The following DLGAP2 variants were observed in gnomAD, a reference collection of about 807,000 sequenced individuals.
The protein encoded by DLGAP2 is DLG associated protein 2, also known as disks large-associated protein 2.
A neutral mutation model predicts 100.3 loss-of-function variants in DLGAP2; 26 were observed. The ratio of observed to expected loss-of-function variants is 0.26; its 90% CI spans 0.19 to 0.36. The LOEUF (loss-of-function observed/expected upper bound fraction) is 0.36. Ranked by LOEUF, DLGAP2 falls within the 10% of genes least tolerant of loss-of-function variation. The probability of loss-of-function intolerance (pLI) is 1.00; values close to 1 mark genes in which losing one functional copy is unlikely to be tolerated. For missense variants in DLGAP2, 1,858 were observed against 1,453.2 expected (o/e 1.28, Z -4.53); for synonymous variants, 886 against 630.1 (o/e 1.41, Z -6.08).
intron 3 of DLGAP2, among the ~76,000 whole-genome samples, chr8:1,366,107 G>T (rs1049994236): frequency 2.0e-5 from 3 of 152,242 alleles, no homozygotes; most frequent in African/African-American, 7.2e-5. Flanking sequence ...CAGACACTGT[G>T]CTGGGGATTC....
At chr8:933,231 TCC>T (rs1798998813) in intron 2 of DLGAP2, among the ~76,000 whole-genome samples, 2 of 152,264 alleles carry the variant, frequency 1.3e-5, no homozygotes, top group African/African-American at 4.8e-5. Context: ...ATCTGCTGCT[TCC>T]TTGACCCCTG....
At chr8:1,256,807 G>A (rs573860937) in intron 2 of DLGAP2, among the ~76,000 whole-genome samples, 2 of 152,286 alleles carry the variant, frequency 1.3e-5, no homozygotes, top group East Asian at 3.9e-4. Flanking sequence ...CTGCTTCAGT[G>A]ATGGCAGCGA....
chr8:1,390,940 A>G (rs1796336844), intron 3 of DLGAP2, among the ~76,000 whole-genome samples: 1 of 152,224 alleles, frequency 6.6e-6, no homozygotes, highest in South Asian at 2.1e-4. Context: ...AAACACAGTC[A>G]GCATGGCAGC....
At chr8:1,625,072 A>T (rs1797458042) in intron 6 of DLGAP2, among the ~76,000 whole-genome samples, 1 of 152,178 alleles carries the variant, frequency 6.6e-6, no homozygotes, top group Non-Finnish European at 1.5e-5. Flanking sequence ...TTAAAGACTG[A>T]AGTAAATCAG....
chr8:751,355 G>C (rs148309336), intron 1 of DLGAP2, among the ~76,000 whole-genome samples: 1 of 151,564 alleles, frequency 6.6e-6, no homozygotes, highest in Non-Finnish European at 1.5e-5. Context: ...CCATCCTCTC[G>C]TGGAAAGGAG....
chr8:1,276,381 G>T (rs374715202), intron 3 of DLGAP2, among the ~76,000 whole-genome samples: 35 of 152,020 alleles, frequency 2.3e-4, no homozygotes, highest in African/African-American at 8.2e-4. Flanking sequence ...CTATCAGATG[G>T]AACCGTTTTG....
intron 4 of DLGAP2, among the ~76,000 whole-genome samples, chr8:1,523,682 A>C (rs1468751138): frequency 1.3e-5 from 2 of 152,122 alleles, no homozygotes; most frequent in South Asian, 4.1e-4. Context: ...AGCCGTCTGC[A>C]TTTTATTTTT....
chr8:964,754 C>T (rs1250372839), intron 2 of DLGAP2, among the ~76,000 whole-genome samples: 1 of 152,196 alleles, frequency 6.6e-6, no homozygotes, highest in South Asian at 2.1e-4. Flanking sequence ...CCGCCTCCAC[C>T]TACCCTCCCC....
intron 1 of DLGAP2, among the ~76,000 whole-genome samples, chr8:804,798 C>G (rs560111106): frequency 5.3e-5 from 8 of 152,284 alleles, no homozygotes; most frequent in Non-Finnish European, 1.0e-4. Context: ...CAGAGTCTCA[C>G]TTTGTCACCC....
chr8:1,081,543 G>T (rs545799163), intron 2 of DLGAP2, among the ~76,000 whole-genome samples: 1 of 152,104 alleles, frequency 6.6e-6, no homozygotes, highest in African/African-American at 2.4e-5. Context: ...GTAGAGACAG[G>T]TTTCTCCATG....
In DLGAP2 at chr8:1,548,296, C is replaced by G. The variant is rs550034530; in HGVS notation, c.173-330C>G. Among the ~76,000 whole-genome samples the G allele has an allele frequency of 2.6e-4, 39 of 151,718 alleles. No individual in the cohort carries two copies. In the South Asian group the frequency reaches 7.5e-3, roughly 29 times the overall value. On this transcript the variant is annotated intron_variant, in intron 4 of 14. Transcript: ENST00000637795. Reference sequence around the variant, plus strand: ...CCAACATGGCGAAACCTCGTCTCTACTAAAAATACAAAATTAGCCGGGCGT... The same window carrying G: ...CCAACATGGCGAAACCTCGTCTCTAGTAAAAATACAAAATTAGCCGGGCGT...
At chr8:1,430,746 C>A (rs1388522516) in intron 3 of DLGAP2, among the ~76,000 whole-genome samples, 1 of 152,204 alleles carries the variant, frequency 6.6e-6, no homozygotes. Context: ...GAAATATCTT[C>A]AACCTGCAGA....
chr8:1,468,195 GTGGATCCGGGC>G (rs1195306037), intron 3 of DLGAP2, among the ~76,000 whole-genome samples: 1 of 151,986 alleles, frequency 6.6e-6, no homozygotes, highest in Non-Finnish European at 1.5e-5. Context: ...TTCACACAGC[GTGGATCCGGGC>G]TGGCCCTGTG....
At chr8:1,587,491 A>C (rs185818730) in intron 6 of DLGAP2, among the ~76,000 whole-genome samples, 3 of 152,244 alleles carry the variant, frequency 2.0e-5, no homozygotes, top group Admixed American at 2.0e-4. Context: ...CTTTATCTGA[A>C]AGTATATTTA....
At chr8:942,255 A>G (rs1799214709) in intron 2 of DLGAP2, among the ~76,000 whole-genome samples, 2 of 152,190 alleles carry the variant, frequency 1.3e-5, no homozygotes, top group South Asian at 2.1e-4. Flanking sequence ...AGCCCTGAGC[A>G]TTTCTGTTTA....
At chr8:957,367 G>C (rs1799620211) in intron 2 of DLGAP2, among the ~76,000 whole-genome samples, 1 of 152,194 alleles carries the variant, frequency 6.6e-6, no homozygotes, top group African/African-American at 2.4e-5. Context: ...GTTAAAAGTT[G>C]TCCTTCGTTG....
intron 2 of DLGAP2, among the ~76,000 whole-genome samples, chr8:1,075,760 TGGTTCTTTGTAAA>T (rs1407007756): frequency 2.0e-5 from 3 of 152,090 alleles, no homozygotes; most frequent in Middle Eastern, 3.4e-3. Flanking sequence ...GATGAGCAGA[TGGTTCTTTGTAAA>T]GATAGCTCAG....
At chr8:1,164,900 G>A (rs915332289) in intron 2 of DLGAP2, among the ~76,000 whole-genome samples, 2 of 152,132 alleles carry the variant, frequency 1.3e-5, no homozygotes, top group African/African-American at 4.8e-5. Flanking sequence ...CTCGTCTCCT[G>A]TAAAAACACA....
intron 2 of DLGAP2, among the ~76,000 whole-genome samples, chr8:1,007,318 C>T (rs575993416): frequency 5.3e-5 from 8 of 152,216 alleles, no homozygotes; most frequent in East Asian, 1.9e-4. Flanking sequence ...CCTGGCCAGC[C>T]GCTCTCAGGT....
Sources: gnomAD v4.1 joint callset for allele counts (sites outside exome capture counted in the v4.1 genomes callset) on GRCh38, gnomAD v4.1.1 for gene constraint, MANE v1.5 for transcripts, NCBI Gene and HGNC (gene_info 2026-07-23, HGNC 2026-07-21) for gene names.